MUC5AC: variants seen among roughly 807,000 people sequenced by gnomAD.
MUC5AC encodes the protein mucin 5AC, oligomeric mucus/gel-forming.
A neutral mutation model predicts 169.7 loss-of-function variants in MUC5AC; 158 were observed. The observed-to-expected ratio is 0.93, with a 90% CI of 0.82 to 1.06. The LOEUF is 1.06. Among genes scored for constraint, MUC5AC ranks in the 50% least tolerant of loss-of-function variants. The probability of loss-of-function intolerance (pLI) is 0.00; values close to 1 mark genes in which losing one functional copy is unlikely to be tolerated. For missense variants in MUC5AC, 4,359 were observed against 3,089.9 expected (o/e 1.41, Z -9.74); for synonymous variants, 1,975 against 1,237.0 (o/e 1.60, Z -12.52).
At chr11:1,162,311 G>T in intron 4 of MUC5AC, 143 bp downstream of exon 4, 1 of 1,345,976 alleles carries the variant, frequency 7.4e-7, no homozygotes, top group Non-Finnish European at 9.9e-7. Flanking sequence ...GCCCTCCCTC[G>T]TCCCCCGAGT....
At position 1,190,616 on chromosome 11, in the gene MUC5AC, T is replaced by A. The variant is rs1351746964; in HGVS notation, c.12471T>A (p.Pro4157=). 1 of 694,466 alleles carries A rather than the reference T, an allele frequency of 1.4e-6. No homozygotes were observed. The highest frequency in any genetic ancestry group is 1.8e-5 in the African/African-American group (1 of 56,740). The allele number at this position is 694,466 out of a possible 1,614,324, so 43.0% of individuals were successfully genotyped here. A position where few individuals can be genotyped will look rare whatever the true frequency, so the allele number is the denominator to read the frequency against. Residue 4157 remains proline (P), a synonymous_variant, in exon 31 of 49, where the codon CCT becomes CCA. Transcript: ENST00000621226. ...SGPTTSTTLA[P]TTSTTSAPTT... ...CTACAACCAGCACAACCTTGGCTCC[T>A]ACAACCAGCACAACCTCTGCTCCAA...
chr11:1,190,442 C>A lies in MUC5AC; in HGVS notation c.12297C>A (p.Ser4099=). The A allele has an allele frequency of 1.5e-6, 1 of 685,278 alleles. No individual in the cohort carries two copies. The highest frequency in any genetic ancestry group is 2.7e-6 in the Non-Finnish European group (1 of 376,818). The allele number at this position is 685,278 out of a possible 1,614,324, so 42.4% of individuals were successfully genotyped here. The change falls in exon 31 of 49, where the codon TCC becomes TCA. Residue 4099 remains serine, a synonymous_variant. Coordinates refer to ENST00000621226, the MANE Select transcript of MUC5AC (RefSeq NM_001304359.2). ...TTTLVTTSTT[S]TPQTSTTSAP... ...CTTTGGTGACAACCAGCACAACCTCCACTCCACAGACCAGCACAACCTCTG... is the reference window on the plus strand; with the variant it reads ...CTTTGGTGACAACCAGCACAACCTCAACTCCACAGACCAGCACAACCTCTG...
At position 1,187,081 on chromosome 11, in the gene MUC5AC, C is replaced by G; in HGVS notation, c.8936C>G (p.Thr2979Ser). ...TTSTTSGPGT[T>S]PSPVPTTSTT... The stretch of plus-strand genomic sequence containing the variant: ...AGCACAACCTCTGGTCCTGGAACTA[C>G]TCCCAGCCCTGTTCCCACCACCAGC... The change falls in exon 31 of 49, where the codon ACT becomes AGT. Residue 2979 changes from threonine to serine, a missense_variant. By Grantham distance (58) the Thr-to-Ser change is moderately conservative. Transcript: ENST00000621226. 3 of 749,976 alleles carry G rather than the reference C, an allele frequency of 4.0e-6. No individual in the cohort carries two copies. The South Asian group carries it at 4.1e-5, about 10-fold the overall frequency. 46.5% of individuals were successfully genotyped at this position (749,976 alleles called of 1,614,324 possible).
In MUC5AC at chr11:1,181,590, C is replaced by T. The variant is rs908779499; in HGVS notation, c.4009+131C>T. The T allele has an allele frequency of 2.1e-3, 832 of 397,700 alleles. 22 individuals are homozygous for T. In the East Asian group the frequency reaches 0.029, roughly 14 times the overall value. The allele number at this position is 397,700 out of a possible 1,614,324, so 24.6% of individuals were successfully genotyped here. The stretch of plus-strand genomic sequence containing the variant: ...CAGCCCCTGAGGATCAAGAAGGGAT[C>T]GAGGAGCAGGGAGTCGGGCTCGGGG... On this transcript the variant is annotated intron_variant, in intron 30 of 48. Transcript: ENST00000621226.
In MUC5AC at chr11:1,191,537, C is replaced by T. The variant is rs111164684; in HGVS notation, c.13392C>T (p.Ser4464=). 1 of 645,100 alleles carries T rather than the reference C, an allele frequency of 1.6e-6. No individual in the cohort carries two copies. Among genetic ancestry groups the T allele is most frequent in the African/African-American group, 1.8e-5 (1 of 54,560 alleles). The allele number at this position is 645,100 out of a possible 1,614,324, so 40.0% of individuals were successfully genotyped here. ...TTSTISLPTT[S]TTSAPITSMT... ...GCACAATCTCTCTCCCTACAACCAG[C>T]ACAACCTCTGCTCCTATAACCAGCA... Residue 4464 remains serine, a synonymous_variant, in exon 31 of 49, where the codon AGC becomes AGT. Coordinates refer to ENST00000621226, the MANE Select transcript of MUC5AC (RefSeq NM_001304359.2).
rs1415700803 is a variant in MUC5AC at position 1,190,519 on chromosome 11, C to A, written c.12374C>A (p.Pro4125His). ...PASTPSTTSA[P>H]TTSTTSAPTT... Reference sequence around the variant, plus strand: ...TCTACACCCAGCACAACCTCTGCCCCTACAACCAGCACAACCTCTGCCCCT... The same window carrying A: ...TCTACACCCAGCACAACCTCTGCCCATACAACCAGCACAACCTCTGCCCCT... Residue 4125 changes from proline to histidine, a missense_variant, in exon 31 of 49, where the codon CCT becomes CAT. Pro to His is a moderately conservative substitution (Grantham distance 77). Coordinates refer to ENST00000621226, the MANE Select transcript of MUC5AC (RefSeq NM_001304359.2). 1.4e-5 allele frequency: 7 copies of A among 500,836 alleles called. No homozygotes were observed. The highest frequency in any genetic ancestry group is 2.4e-5 in the Non-Finnish European group (6 of 250,164). The allele number at this position is 500,836 out of a possible 1,614,324, so 31.0% of individuals were successfully genotyped here.
At chr11:1,164,660 C>G in intron 9 of MUC5AC, 128 bp downstream of exon 9, 8 of 1,347,564 alleles carry the variant, frequency 5.9e-6, no homozygotes, top group Non-Finnish European at 7.9e-6. Flanking sequence ...GACTGAGGCC[C>G]CTGTCCTGGG....
intron 15 of MUC5AC, 79 bp downstream of exon 15, chr11:1,169,105 G>A (rs1029721698): frequency 6.2e-6 from 9 of 1,461,782 alleles, no homozygotes; most frequent in African/African-American, 5.7e-5. Context: ...TGCAGGCAGC[G>A]AGGCCGGCCC....
rs1283657390 is a variant in MUC5AC, at chr11:1,185,708, A to G, written c.7563A>G (p.Thr2521=). Residue 2521 remains threonine (T), a synonymous_variant, in exon 31 of 49, where the codon ACA becomes ACG. Transcript: ENST00000621226. ...CAACCAGCACAACCTCTGCTTCTAC[A>G]ACCAGCACAACCTCTGGTGCTGGAA... ...APTTSTTSAS[T]TSTTSGAGTT... is the part of the protein sequence containing the mutation. The G allele has an allele frequency of 1.3e-6, 1 of 742,922 alleles. No homozygotes were observed. The highest frequency in any genetic ancestry group is 1.7e-5 in the African/African-American group (1 of 57,820). 46.0% of individuals were successfully genotyped at this position (742,922 alleles called of 1,614,324 possible). A position where few individuals can be genotyped will look rare whatever the true frequency, so the allele number is the denominator to read the frequency against.
At position 1,162,663 on chromosome 11, in the gene MUC5AC, G is replaced by T. The variant is rs770181179; in HGVS notation, c.588+17G>T. On this transcript the variant is annotated intron_variant, in intron 5 of 48. Transcript: ENST00000621226. ...AGCCTGCTGGTGAGGCTGGGTGGGGGTGTCCCGGTGTGCAACTCCAGCCCT... is the reference window on the plus strand; with the variant it reads ...AGCCTGCTGGTGAGGCTGGGTGGGGTTGTCCCGGTGTGCAACTCCAGCCCT... 5.0e-6 allele frequency: 8 copies of T among 1,605,778 alleles called. No individual in the cohort carries two copies. The highest frequency in any genetic ancestry group is 6.8e-6 in the Non-Finnish European group (8 of 1,173,670).
chr11:1,188,792 C>T lies in MUC5AC; in HGVS notation c.10647C>T (p.Asn3549=). 2 of 753,262 alleles carry T rather than the reference C, an allele frequency of 2.7e-6. No individual in the cohort carries two copies. Among genetic ancestry groups the T allele is most frequent in the South Asian group, 1.4e-5 (1 of 72,684 alleles). The allele number at this position is 753,262 out of a possible 1,614,324, so 46.7% of individuals were successfully genotyped here. A position where few individuals can be genotyped will look rare whatever the true frequency, so the allele number is the denominator to read the frequency against. ...PHGGDKETYN[N]IIRSGEKICR... ...GTGGGGACAAGGAAACCTACAACAA[C>T]ATCATCAGGAGTGGGGAAAAAATCT... Residue 3549 remains asparagine, a synonymous_variant, in exon 31 of 49, where the codon AAC becomes AAT. Coordinates refer to ENST00000621226, the MANE Select transcript of MUC5AC (RefSeq NM_001304359.2).
chr11:1,171,469 TCACTCACC>T (rs1464979802), intron 15 of MUC5AC, among the ~76,000 whole-genome samples: 2 of 103,512 alleles, frequency 1.9e-5, no homozygotes, highest in African/African-American at 7.6e-5. Flanking sequence ...ATTCACCCCC[TCACTCACC>T]CACTCACCCA....
In MUC5AC at chr11:1,179,102, C is replaced by T; in HGVS notation, c.3338C>T (p.Ala1113Val). Reference sequence around the variant, plus strand: ...CCCCGTCTCCCTCAGGTGGAGCCGGCCAGGTACTACGAGGCCTGCGTGAAC... The same window carrying T: ...CCCCGTCTCCCTCAGGTGGAGCCGGTCAGGTACTACGAGGCCTGCGTGAAC... The part of the protein sequence containing the change: ...FAACHAHVEP[A>V]RYYEACVNDA... Residue 1113 changes from alanine to valine, a missense_variant, in exon 26 of 49, where the codon GCC becomes GTC. By Grantham distance (64) the Ala-to-Val change is moderately conservative. Coordinates refer to ENST00000621226, the MANE Select transcript of MUC5AC (RefSeq NM_001304359.2). 2 of 578,124 alleles carry T rather than the reference C, an allele frequency of 3.5e-6. No homozygotes were observed. The highest frequency in any genetic ancestry group is 3.2e-6 in the Non-Finnish European group (1 of 316,744). 35.8% of individuals were successfully genotyped at this position (578,124 alleles called of 1,614,324 possible). A position where few individuals can be genotyped will look rare whatever the true frequency, so the allele number is the denominator to read the frequency against.
rs562358704 is a variant in MUC5AC, at chr11:1,200,077, A to G, written c.16700+108A>G. 5.2e-4 allele frequency: 323 copies of G among 620,244 alleles called. No individual in the cohort carries two copies. In the African/African-American group the frequency reaches 5.3e-3, roughly 10 times the overall value. The allele number at this position is 620,244 out of a possible 1,614,324, so 38.4% of individuals were successfully genotyped here. A position where few individuals can be genotyped will look rare whatever the true frequency, so the allele number is the denominator to read the frequency against. On this transcript the variant is annotated intron_variant, in intron 48 of 48. Coordinates refer to ENST00000621226, the MANE Select transcript of MUC5AC (RefSeq NM_001304359.2). ...ACGAGGGGCAGGACCATGAGGGGCC[A>G]GGCAAAGGGCTCTGAGGGTGAGGCG...
At chr11:1,161,678 C>A in intron 3 of MUC5AC, 92 bp downstream of exon 3, 1 of 1,415,212 alleles carries the variant, frequency 7.1e-7, no homozygotes, top group Non-Finnish European at 9.5e-7. Context: ...AGAGGGGCCC[C>A]AGCTTTCCGG....
In MUC5AC at chr11:1,177,577, G is replaced by C; in HGVS notation, c.3031G>C (p.Val1011Leu). The C allele has an allele frequency of 2.5e-6, 1 of 398,826 alleles. No individual in the cohort carries two copies. The highest frequency in any genetic ancestry group is 6.3e-4 in the Middle Eastern group (1 of 1,588). 24.7% of individuals were successfully genotyped at this position (398,826 alleles called of 1,614,324 possible). A position where few individuals can be genotyped will look rare whatever the true frequency, so the allele number is the denominator to read the frequency against. Residue 1011 changes from valine to leucine, a missense_variant, in exon 24 of 49, where the codon GTG (valine) becomes CTG (leucine). Transcript: ENST00000621226. ...GGTGGTGGACACCGACATTGGCCTG[G>C]TGCTGCTGTGGGACAAGAAGACCAG... is the stretch of plus-strand genomic sequence containing the variant. ...YLVVDTDIGL[V>L]LLWDKKTSIF...
intron 28 of MUC5AC, among the ~76,000 whole-genome samples, chr11:1,180,720 G>T (rs909802670): frequency 6.6e-6 from 1 of 152,148 alleles, no homozygotes; most frequent in Admixed American, 6.5e-5. Context: ...CCCAGAGGCG[G>T]GACTGGGTGT....
intron 22 of MUC5AC, 68 bp downstream of exon 22, chr11:1,177,134 G>T: frequency 2.5e-6 from 1 of 398,666 alleles, no homozygotes; most frequent in South Asian, 1.3e-4. Flanking sequence ...GCCTCTCTGC[G>T]GCTGCCCCAG....
intron 19 of MUC5AC, among the ~76,000 whole-genome samples, chr11:1,175,788 ACG>A: frequency 1.4e-4 from 1 of 7,118 alleles, no homozygotes. Flanking sequence ...CCACATGCAC[ACG>A]CACTCACACC....
Sources: gnomAD v4.1 joint callset for allele counts (sites outside exome capture counted in the v4.1 genomes callset) on GRCh38, gnomAD v4.1.1 for gene constraint, MANE v1.5 for transcripts, NCBI Gene and HGNC (gene_info 2026-07-23, HGNC 2026-07-21) for gene names.